Variants in VAC14 observed in about 807,000 individuals in gnomAD.
The protein encoded by VAC14 is VAC14 component of PIKFYVE complex.
VAC14 carries 47 observed loss-of-function variants against 85.3 expected under a neutral mutation model. The ratio of observed to expected loss-of-function variants is 0.55; its 90% CI spans 0.44 to 0.70. VAC14 has a LOEUF of 0.70. Ranked by LOEUF, VAC14 falls within the 30% of genes least tolerant of loss-of-function variation. VAC14 has a pLI of 0.00. For synonymous variants in VAC14, 447 were observed against 430.5 expected (o/e 1.04, Z -0.47); for missense variants, 861 against 1,004.3 (o/e 0.86, Z 1.93).
chr16:70,710,957 G>C (rs537590366), intron 14 of VAC14, among the ~76,000 whole-genome samples: 1 of 152,248 alleles, frequency 6.6e-6, no homozygotes, highest in Non-Finnish European at 1.5e-5. Flanking sequence ...TCCGGCCAGG[G>C]GCTGCCATTC....
intron 14 of VAC14, among the ~76,000 whole-genome samples, chr16:70,707,145 C>G (rs2053936165): frequency 6.6e-6 from 1 of 152,238 alleles, no homozygotes; most frequent in African/African-American, 2.4e-5. Context: ...TGCCCCTCCC[C>G]CTCTGCTCTC....
At chr16:70,722,381 T>C (rs2054316396) in intron 14 of VAC14, among the ~76,000 whole-genome samples, 2 of 152,206 alleles carry the variant, frequency 1.3e-5, no homozygotes, top group African/African-American at 4.8e-5. Flanking sequence ...ACAGGAGCTC[T>C]CTCCTTCCCC....
intron 14 of VAC14, among the ~76,000 whole-genome samples, chr16:70,713,430 C>T (rs563249761): frequency 1.1e-4 from 17 of 152,384 alleles, no homozygotes; most frequent in Admixed American, 2.6e-4. Flanking sequence ...TTGCCTCAGG[C>T]TCCCACCTTC....
intron 10 of VAC14, chr16:70,768,230 G>C (rs1014711907): frequency 6.5e-6 from 1 of 152,982 alleles, no homozygotes; most frequent in Non-Finnish European, 1.5e-5. Flanking sequence ...ATCCCTTTGA[G>C]GTCAGTACTA....
chr16:70,748,878 A>T (rs531269298), intron 12 of VAC14, among the ~76,000 whole-genome samples: 2 of 152,214 alleles, frequency 1.3e-5, no homozygotes, highest in East Asian at 1.9e-4. Context: ...CAGAGGCTGT[A>T]GTGAGCTGAG....
intron 9 of VAC14, among the ~76,000 whole-genome samples, chr16:70,778,200 G>C (rs772697549): frequency 1.3e-5 from 2 of 152,192 alleles, no homozygotes; most frequent in East Asian, 1.9e-4. Context: ...CATCTAAAAA[G>C]GTAGATAGGC....
intron 18 of VAC14, chr16:70,689,197 C>G: frequency 1.0e-6 from 1 of 980,214 alleles, no homozygotes; most frequent in Non-Finnish European, 1.2e-6. Context: ...GCGAGGGCTA[C>G]CTAAGGAGCG....
chr16:70,739,583 G>A (rs1466351448), intron 13 of VAC14, among the ~76,000 whole-genome samples: 2 of 152,136 alleles, frequency 1.3e-5, no homozygotes, highest in Middle Eastern at 3.2e-3. Context: ...TCTCGGGCCA[G>A]GCTCCTGGCC....
chr16:70,709,412 C>T (rs1233912803), intron 14 of VAC14, among the ~76,000 whole-genome samples: 1 of 152,188 alleles, frequency 6.6e-6, no homozygotes, highest in African/African-American at 2.4e-5. Context: ...CGAGTTTCTC[C>T]AGAAGCTTCC....
At chr16:70,736,290 C>T (rs995567325) in intron 13 of VAC14, among the ~76,000 whole-genome samples, 3 of 152,216 alleles carry the variant, frequency 2.0e-5, no homozygotes, top group Non-Finnish European at 4.4e-5. Flanking sequence ...ACTCAGTACA[C>T]GGGGGCTCCT....
At chr16:70,730,716 G>A (rs2054566970) in intron 14 of VAC14, among the ~76,000 whole-genome samples, 2 of 151,106 alleles carry the variant, frequency 1.3e-5, no homozygotes, top group African/African-American at 4.9e-5. Context: ...GTGTGTCTCA[G>A]CCTCTTGAGT....
intron 14 of VAC14, chr16:70,714,370 T>C (rs756630335): frequency 2.6e-5 from 4 of 152,144 alleles, no homozygotes; most frequent in Non-Finnish European, 5.9e-5. Context: ...CCAATTACTA[T>C]GCTACTGGGG....
chr16:70,782,389 A>G (rs2033856772), intron 7 of VAC14, among the ~76,000 whole-genome samples: 1 of 152,202 alleles, frequency 6.6e-6, no homozygotes, highest in Admixed American at 6.5e-5. Flanking sequence ...GGCCTTGCTC[A>G]CTTCTACTGT....
chr16:70,732,883 A>G (rs2054634076), intron 13 of VAC14, among the ~76,000 whole-genome samples: 1 of 152,072 alleles, frequency 6.6e-6, no homozygotes, highest in African/African-American at 2.4e-5. Flanking sequence ...TCCTGACCTC[A>G]GGTGATCCAC....
intron 14 of VAC14, chr16:70,716,886 G>C (rs932636775): frequency 3.5e-4 from 54 of 152,266 alleles, no homozygotes; most frequent in African/African-American, 1.2e-3. Context: ...TGGATCTGGA[G>C]GGTCACTGGG....
intron 14 of VAC14, among the ~76,000 whole-genome samples, chr16:70,713,195 AG>A (rs1184997441): frequency 3.3e-5 from 5 of 152,166 alleles, no homozygotes; most frequent in African/African-American, 1.2e-4. Flanking sequence ...TGCCTACTAC[AG>A]GGGGAGGCTT....
intron 9 of VAC14, chr16:70,772,437 A>T: frequency 2.3e-6 from 1 of 431,120 alleles, no homozygotes; most frequent in East Asian, 3.7e-5. Context: ...CTCAGAAGGG[A>T]TCACTGGCCT....
At chr16:70,699,030 G>A (rs986510501) in intron 14 of VAC14, among the ~76,000 whole-genome samples, 5 of 152,150 alleles carry the variant, frequency 3.3e-5, no homozygotes, top group African/African-American at 9.7e-5. Flanking sequence ...CTGCCTACCT[G>A]GGCCTAGCCA....
At chr16:70,712,458 G>A (rs2054055325) in intron 14 of VAC14, among the ~76,000 whole-genome samples, 1 of 152,154 alleles carries the variant, frequency 6.6e-6, no homozygotes, top group Non-Finnish European at 1.5e-5. Flanking sequence ...GCCTCCGTGG[G>A]GAGGGACAGT....
Sources: allele counts gnomAD v4.1 joint callset (sites outside exome capture counted in the v4.1 genomes callset), GRCh38; gene constraint gnomAD v4.1.1; transcripts MANE v1.5; gene names NCBI Gene and HGNC (gene_info 2026-07-23, HGNC 2026-07-21).